Variants in SPIDR observed in about 807,000 individuals in gnomAD.
SPIDR encodes DNA repair-scaffolding protein.
Under a neutral mutation model 104.6 loss-of-function variants are expected in SPIDR, and 93 were observed. The observed-to-expected ratio is 0.89, with a 90% confidence interval of 0.75 to 1.06. The LOEUF is 1.06. SPIDR is among the 50% of genes least tolerant of loss of function. The pLI is 0.00. For synonymous variants in SPIDR, 431 were observed against 416.9 expected, an observed-to-expected ratio of 1.03 and a Z score of -0.41; for missense variants, 1,154 against 1,111.2, an observed-to-expected ratio of 1.04 and a Z score of -0.55.
intron 10 of SPIDR, among the ~76,000 whole-genome samples, chr8:47,659,218 C>T (rs1265530200): frequency 6.6e-6 from 1 of 152,132 alleles, no homozygotes; most frequent in Non-Finnish European, 1.5e-5. Context: ...GAGATGACAG[C>T]ACGGTACTCC....
At chr8:47,683,913 TC>T (rs1001898145) in intron 11 of SPIDR, among the ~76,000 whole-genome samples, 10 of 151,944 alleles carry the variant, frequency 6.6e-5, no homozygotes, top group African/African-American at 2.4e-4. Context: ...GATCACGAGG[TC>T]AGGAGATCGA....
chr8:47,693,797 A>G (rs574447619), intron 11 of SPIDR, among the ~76,000 whole-genome samples: 31 of 152,356 alleles, frequency 2.0e-4, no homozygotes, highest in Non-Finnish European at 3.7e-4. Flanking sequence ...ATGTCCTTGT[A>G]CAGAACCCAA....
intron 7 of SPIDR, among the ~76,000 whole-genome samples, chr8:47,438,362 G>A (rs372568588): frequency 5.3e-5 from 8 of 152,208 alleles, no homozygotes; most frequent in Middle Eastern, 3.2e-3. Flanking sequence ...TCCTGTGGCC[G>A]CTGTAGCTCC....
intron 8 of SPIDR, among the ~76,000 whole-genome samples, chr8:47,448,338 G>A (rs1231193558): frequency 6.6e-6 from 1 of 152,090 alleles, no homozygotes; most frequent in East Asian, 1.9e-4. Flanking sequence ...TGTCAGCCTT[G>A]TTTATCCTCC....
chr8:47,440,491 C>G lies in SPIDR; in HGVS notation c.1046C>G (p.Ala349Gly), dbSNP rs782769770. 6.2e-7 allele frequency: 1 copy of G among 1,614,248 alleles called. No individual in the cohort carries two copies. The change falls in exon 8 of 20, where the codon GCA (alanine) becomes GGA (glycine). Residue 349 changes from alanine to glycine, a missense_variant. Ala to Gly is a moderately conservative substitution (Grantham distance 60). Transcript: ENST00000297423. ...GLKVLFTKET[A>G]GYLRGRPQDT... ...AAAGTTCTCTTCACCAAGGAGACTG[C>G]AGGCTACCTCAGGGGCCGTCCCCAG...
chr8:47,319,382 C>G (rs529706565), intron 5 of SPIDR, among the ~76,000 whole-genome samples: 75 of 152,288 alleles, frequency 4.9e-4, no homozygotes, highest in African/African-American at 1.8e-3. Context: ...ATCAATTCAA[C>G]AAGAAGAGCT....
chr8:47,500,717 C>T (rs909380836), intron 8 of SPIDR, among the ~76,000 whole-genome samples: 10 of 152,154 alleles, frequency 6.6e-5, no homozygotes, highest in Non-Finnish European at 7.3e-5. Context: ...AGTCCTTGCC[C>T]ATGCCTATGT....
intron 6 of SPIDR, among the ~76,000 whole-genome samples, chr8:47,403,517 C>A (rs993893416): frequency 6.6e-6 from 1 of 152,148 alleles, no homozygotes; most frequent in Non-Finnish European, 1.5e-5. Flanking sequence ...TCTTGGGATA[C>A]AAAATCAATG....
chr8:47,306,946 C>A (rs587691342), intron 5 of SPIDR, among the ~76,000 whole-genome samples: 1 of 152,218 alleles, frequency 6.6e-6, no homozygotes, highest in Non-Finnish European at 1.5e-5. Flanking sequence ...ATATCTTTTT[C>A]TGTCTTTTAA....
At chr8:47,354,169 A>G (rs1021943997) in intron 5 of SPIDR, among the ~76,000 whole-genome samples, 3 of 152,182 alleles carry the variant, frequency 2.0e-5, no homozygotes, top group African/African-American at 7.2e-5. Flanking sequence ...TATATTCACA[A>G]AGTGCCTTTC....
At chr8:47,618,085 T>C (rs2064586863) in intron 10 of SPIDR, among the ~76,000 whole-genome samples, 1 of 152,206 alleles carries the variant, frequency 6.6e-6, no homozygotes, top group South Asian at 2.1e-4. Context: ...TGGGCAAGGA[T>C]CTCTAAAGTC....
intron 10 of SPIDR, among the ~76,000 whole-genome samples, chr8:47,667,446 A>AG (rs2075125496): frequency 6.7e-6 from 1 of 148,274 alleles, no homozygotes. Context: ...AAGGGAAAAA[A>AG]AAAAAAAAAA....
At chr8:47,538,839 T>C (rs1350912168) in intron 8 of SPIDR, among the ~76,000 whole-genome samples, 1 of 151,018 alleles carries the variant, frequency 6.6e-6, no homozygotes, top group Non-Finnish European at 1.5e-5. Flanking sequence ...TTTGTTTTGG[T>C]TTTGCCTTTT....
intron 5 of SPIDR, among the ~76,000 whole-genome samples, chr8:47,394,850 C>A (rs2061065002): frequency 6.6e-6 from 1 of 151,660 alleles, no homozygotes; most frequent in African/African-American, 2.4e-5. Flanking sequence ...GATCTGTGCC[C>A]CAATGGTTAC....
intron 5 of SPIDR, among the ~76,000 whole-genome samples, chr8:47,340,623 C>CA (rs1221844397): frequency 2.6e-5 from 4 of 151,932 alleles, no homozygotes; most frequent in Non-Finnish European, 5.9e-5. Flanking sequence ...CAACAACAAC[C>CA]AAAAAAACCC....
intron 14 of SPIDR, among the ~76,000 whole-genome samples, chr8:47,710,959 G>T (rs568991360): frequency 9.0e-4 from 137 of 151,490 alleles, no homozygotes; most frequent in African/African-American, 3.2e-3. Flanking sequence ...TTTATTTTTT[G>T]TAGAGATGGG....
intron 10 of SPIDR, among the ~76,000 whole-genome samples, chr8:47,613,644 C>T (rs2063885210): frequency 6.6e-6 from 1 of 152,150 alleles, no homozygotes; most frequent in Non-Finnish European, 1.5e-5. Flanking sequence ...TCCTCGCCAG[C>T]ACTTGCTATT....
chr8:47,485,783 A>C (rs2077514186), intron 8 of SPIDR, among the ~76,000 whole-genome samples: 1 of 152,254 alleles, frequency 6.6e-6, no homozygotes, highest in Non-Finnish European at 1.5e-5. Flanking sequence ...ACAGACCTGC[A>C]GCAGAGGGTC....
At chr8:47,316,195 A>C (rs2045308965) in intron 5 of SPIDR, among the ~76,000 whole-genome samples, 1 of 152,216 alleles carries the variant, frequency 6.6e-6, no homozygotes, top group South Asian at 2.1e-4. Context: ...TGAACACATG[A>C]AAATGTTACT....
Sources: gnomAD v4.1 joint callset for allele counts (sites outside exome capture counted in the v4.1 genomes callset) on GRCh38, gnomAD v4.1.1 for gene constraint, MANE v1.5 for transcripts, NCBI Gene and HGNC (gene_info 2026-07-23, HGNC 2026-07-21) for gene names.